The following ZFAT variants were observed in gnomAD, a reference collection of about 807,000 sequenced individuals.
ZFAT encodes the protein zinc finger protein ZFAT.
A neutral mutation model predicts 117.7 loss-of-function variants in ZFAT; 64 were observed. The ratio of observed to expected loss-of-function variants is 0.54; its 90% CI spans 0.44 to 0.67. The LOEUF (loss-of-function observed/expected upper bound fraction) is 0.67, where lower values mean the gene tolerates loss of function less well. Ranked by LOEUF, ZFAT falls within the 30% of genes least tolerant of loss-of-function variation. ZFAT has a pLI of 0.00. For missense variants in ZFAT, 1,433 were observed against 1,584.5 expected, an observed-to-expected ratio of 0.90 and a Z score of 1.62; for synonymous variants, 679 against 615.0, an observed-to-expected ratio of 1.10 and a Z score of -1.54.
At chr8:134,571,593 G>A (rs1487169649) in intron 10 of ZFAT, among the ~76,000 whole-genome samples, 1 of 152,080 alleles carries the variant, frequency 6.6e-6, no homozygotes, top group Non-Finnish European at 1.5e-5. Flanking sequence ...GCAAAAATAG[G>A]TCTTGACCAA....
At chr8:134,774,941 A>AC in the ZFAT span, among the ~76,000 whole-genome samples, 1 of 151,998 alleles carries the variant, frequency 6.6e-6, no homozygotes, top group Non-Finnish European at 1.5e-5. Context: ...AGATGGTGAA[A>AC]CCCCATCTCT....
At chr8:134,587,702 A>G (rs1273756562) in intron 9 of ZFAT, among the ~76,000 whole-genome samples, 4 of 152,106 alleles carry the variant, frequency 2.6e-5, no homozygotes, top group Non-Finnish European at 4.4e-5. Context: ...GTGGCCCCAC[A>G]CTTCCCTTCA....
At chr8:134,830,883 A>T in the ZFAT span, among the ~76,000 whole-genome samples, 1 of 152,258 alleles carries the variant, frequency 6.6e-6, no homozygotes, top group East Asian at 1.9e-4. Context: ...TGGATAATTC[A>T]TTCTAACGTT....
At chr8:134,597,700 A>AG (rs1209282199) in intron 7 of ZFAT, 2 of 152,190 alleles carry the variant, frequency 1.3e-5, no homozygotes, top group African/African-American at 4.8e-5. Flanking sequence ...CGACACGTAG[A>AG]GGAGGGGGCC....
chr8:134,730,085 C>T, the ZFAT span, among the ~76,000 whole-genome samples: 18 of 152,270 alleles, frequency 1.2e-4, no homozygotes, highest in Middle Eastern at 3.4e-3. Flanking sequence ...TTGGTTGTTA[C>T]GCGCTGCTCC....
intron 15 of ZFAT, among the ~76,000 whole-genome samples, chr8:134,491,340 G>A (rs1017522686): frequency 6.6e-6 from 1 of 152,220 alleles, no homozygotes; most frequent in Non-Finnish European, 1.5e-5. Flanking sequence ...CTGTGCTTGT[G>A]GCTGGTGCAC....
chr8:134,772,029 C>T, the ZFAT span, among the ~76,000 whole-genome samples: 12 of 152,288 alleles, frequency 7.9e-5, no homozygotes, highest in Non-Finnish European at 1.2e-4. Context: ...GATTCAATTA[C>T]CTCCCATCAG....
chr8:134,744,357 A>G, the ZFAT span, among the ~76,000 whole-genome samples: 2 of 143,612 alleles, frequency 1.4e-5, no homozygotes, highest in Admixed American at 7.2e-5. Flanking sequence ...GTGCAGTGGC[A>G]TAATCTTGGC....
the ZFAT span, among the ~76,000 whole-genome samples, chr8:134,770,213 G>C: frequency 6.6e-6 from 1 of 152,076 alleles, no homozygotes; most frequent in Non-Finnish European, 1.5e-5. Context: ...GCATTGTCAG[G>C]CTGCAAATTT....
chr8:134,643,047 A>G (rs1475969678), intron 2 of ZFAT, among the ~76,000 whole-genome samples: 2 of 152,246 alleles, frequency 1.3e-5, no homozygotes, highest in Non-Finnish European at 2.9e-5. Flanking sequence ...AATGCCACGT[A>G]AATAATGGTG....
At chr8:134,561,065 G>A (rs1041497807) in intron 11 of ZFAT, among the ~76,000 whole-genome samples, 4 of 152,202 alleles carry the variant, frequency 2.6e-5, no homozygotes, top group Admixed American at 1.3e-4. Context: ...TTCACCCAAC[G>A]TTTTATAGCT....
At chr8:134,749,723 T>C in the ZFAT span, among the ~76,000 whole-genome samples, 34 of 152,252 alleles carry the variant, frequency 2.2e-4, no homozygotes, top group Non-Finnish European at 2.9e-4. Flanking sequence ...TGTTCCATTA[T>C]TATTTATTAA....
the ZFAT span, among the ~76,000 whole-genome samples, chr8:134,825,798 A>G: frequency 6.6e-6 from 1 of 152,148 alleles, no homozygotes; most frequent in South Asian, 2.1e-4. Flanking sequence ...AGGCGGGCGG[A>G]TCACGAGGTC....
intron 10 of ZFAT, among the ~76,000 whole-genome samples, chr8:134,581,286 G>C (rs763327202): frequency 6.6e-6 from 1 of 152,038 alleles, no homozygotes; most frequent in Admixed American, 6.6e-5. Flanking sequence ...ACTGGTAAGC[G>C]TCAAAAGAGA....
chr8:134,483,522 C>G (rs1425398488), intron 15 of ZFAT, among the ~76,000 whole-genome samples: 1 of 152,172 alleles, frequency 6.6e-6, no homozygotes, highest in Non-Finnish European at 1.5e-5. Flanking sequence ...AATAATCACT[C>G]TAGTCGCTTA....
In ZFAT at chr8:134,532,829, C is replaced by T; in HGVS notation, c.3115+5G>A. ...AGGGCCCCAGCTCGCTGGCCCCTCG[C>T]CTACCTTGCTGGATGAGCACCTCCG... On this transcript the variant is annotated splice_donor_5th_base_variant and intron_variant, in intron 12 of 15. Coordinates refer to ENST00000377838, the MANE Select transcript of ZFAT (RefSeq NM_020863.4). The T allele has an allele frequency of 2.5e-6, 4 of 1,609,774 alleles. No homozygotes were observed. The highest frequency in any genetic ancestry group is 2.5e-6 in the Non-Finnish European group (3 of 1,178,494).
chr8:134,542,530 T>C (rs555643403), intron 11 of ZFAT, among the ~76,000 whole-genome samples: 1 of 152,246 alleles, frequency 6.6e-6, no homozygotes, highest in Non-Finnish European at 1.5e-5. Context: ...TACCCACTTA[T>C]AAGTGACAAT....
At chr8:134,664,753 T>C (rs1288335711) in intron 1 of ZFAT, among the ~76,000 whole-genome samples, 1 of 152,256 alleles carries the variant, frequency 6.6e-6, no homozygotes, top group East Asian at 1.9e-4. Context: ...GAAAAAAATA[T>C]ATCTTGCACC....
intron 10 of ZFAT, among the ~76,000 whole-genome samples, chr8:134,582,297 A>T (rs1408982643): frequency 6.6e-6 from 1 of 152,216 alleles, no homozygotes; most frequent in African/African-American, 2.4e-5. Flanking sequence ...CAGGCATGAG[A>T]CGACAGAACC....
Sources: gnomAD v4.1 joint callset for allele counts (sites outside exome capture counted in the v4.1 genomes callset) on GRCh38, gnomAD v4.1.1 for gene constraint, MANE v1.5 for transcripts, NCBI Gene and HGNC (gene_info 2026-07-23, HGNC 2026-07-21) for gene names.